RNF146: variants seen among roughly 807,000 people sequenced by gnomAD.
RNF146 encodes ring finger protein 146.
In RNF146, 11 loss-of-function variants were observed where a neutral mutation model predicts 29.7. The observed-to-expected ratio is 0.37, with a 90% confidence interval of 0.23 to 0.61. The LOEUF (loss-of-function observed/expected upper bound fraction) is 0.61, where lower values mean the gene tolerates loss of function less well. Ranked by LOEUF, RNF146 falls within the 20% of genes least tolerant of loss-of-function variation. RNF146 has a pLI of 0.66. For synonymous variants in RNF146, 150 were observed against 159.7 expected, an observed-to-expected ratio of 0.94 and a Z score of 0.46; for missense variants, 342 against 438.9, an observed-to-expected ratio of 0.78 and a Z score of 1.97.
chr6:127,277,682 A>T (rs1258542003), intron 1 of RNF146, among the ~76,000 whole-genome samples: 4 of 151,910 alleles, frequency 2.6e-5, no homozygotes, highest in Non-Finnish European at 5.9e-5. Context: ...TTTCTTTTTC[A>T]CATTTTTCTG....
At chr6:127,281,475 T>C (rs940663932) in intron 2 of RNF146, among the ~76,000 whole-genome samples, 5 of 151,724 alleles carry the variant, frequency 3.3e-5, no homozygotes, top group African/African-American at 1.2e-4. Context: ...ATTAATTTCA[T>C]CTGAAGGGTT....
Position 127,286,469 on chromosome 6 carries a change from C to A in RNF146, c.3-147C>A. On this transcript the variant is annotated intron_variant, in intron 2 of 2. Transcript: ENST00000368314. The surrounding 1 kb of genome is among the most constrained non-coding windows in gnomAD (Gnocchi z 4.6). ...AATTTTCATCGGTTGGAGAGTTTTT[C>A]CTCTACTTTCATCTTCATATCCCCA... 1.2e-6 allele frequency: 1 copy of A among 835,092 alleles called. No homozygotes were observed. The highest frequency in any genetic ancestry group is 1.8e-6 in the Non-Finnish European group (1 of 557,278). The allele number at this position is 835,092 out of a possible 1,614,324, so 51.7% of individuals were successfully genotyped here. A position where few individuals can be genotyped will look rare whatever the true frequency, so the allele number is the denominator to read the frequency against.
At chr6:127,271,406 C>A (rs1777479728) in intron 1 of RNF146, among the ~76,000 whole-genome samples, 1 of 152,084 alleles carries the variant, frequency 6.6e-6, no homozygotes, top group African/African-American at 2.4e-5. Flanking sequence ...CTACCTAAAC[C>A]CATTAACTTT....
chr6:127,279,455 C>G (rs919289695), intron 1 of RNF146, among the ~76,000 whole-genome samples: 24 of 151,786 alleles, frequency 1.6e-4, no homozygotes, highest in African/African-American at 5.3e-4. Flanking sequence ...TTTCTGGACT[C>G]TCAATTCTAT....
In RNF146 at chr6:127,286,821, C is replaced by T. The variant is rs1364850010; in HGVS notation, c.208C>T (p.Arg70Trp). The change falls in exon 3 of 3, where the codon CGG becomes TGG. Residue 70 changes from arginine (R) to tryptophan (W), a missense_variant. Arg to Trp is a moderately radical substitution (Grantham distance 101). Around this residue, in one of 6 missense-constraint regions of RNF146, gnomAD observed 27 missense variants for 66.0 expected, o/e 0.41. Coordinates refer to ENST00000368314, the MANE Select transcript of RNF146 (RefSeq NM_001242850.2). This position sits in a 1 kb window ranked among gnomAD's most constrained non-coding sequence, Gnocchi z 4.6. ...CVKGASWLGK[R>W]CALCRQEIPE... ...AAAAGGAGCTTCATGGCTTGGAAAGCGGTGTGCTCTTTGTCGACAAGAAAT... is the reference window on the plus strand; with the variant it reads ...AAAAGGAGCTTCATGGCTTGGAAAGTGGTGTGCTCTTTGTCGACAAGAAAT... 1.2e-6 allele frequency: 2 copies of T among 1,613,070 alleles called. No individual in the cohort carries two copies. The highest frequency in any genetic ancestry group is 1.3e-5 in the African/African-American group (1 of 74,820).
intron 2 of RNF146, among the ~76,000 whole-genome samples, chr6:127,282,023 G>A (rs1778977691): frequency 6.6e-6 from 1 of 151,734 alleles, no homozygotes; most frequent in South Asian, 2.1e-4. Context: ...AATAGGGAAA[G>A]AAAGATGTCT....
rs747325652 is a variant in RNF146, at chr6:127,287,432, A to G, written c.819A>G (p.Pro273=). ...AAGGAGAAGAAGATCATGAATCACC[A>G]TCTTCAGGCAGGGTACCAGCACCAG... ...RGEGEEDHES[P]SSGRVPAPDT... Residue 273 remains proline (P), a synonymous_variant, in exon 3 of 3, where the codon CCA becomes CCG. Coordinates refer to ENST00000368314, the MANE Select transcript of RNF146 (RefSeq NM_001242850.2). 10 of 1,613,526 alleles carry G rather than the reference A, an allele frequency of 6.2e-6. No individual in the cohort carries two copies. The highest frequency in any genetic ancestry group is 1.7e-5 in the Admixed American group (1 of 59,934).
chr6:127,288,180 G>T lies in RNF146; in HGVS notation c.*487G>T. On this transcript the variant is annotated 3_prime_UTR_variant, in exon 3 of 3. Coordinates refer to ENST00000368314, the MANE Select transcript of RNF146 (RefSeq NM_001242850.2). ...ATAGATGAATAACAACTATTTTATA[G>T]TAAAGTTATTGAAATGGAAATGAAA... The T allele has an allele frequency of 6.0e-6, 1 of 166,880 alleles. No homozygotes were observed. The allele number at this position is 166,880 out of a possible 1,614,324, so 10.3% of individuals were successfully genotyped here. A position where few individuals can be genotyped will look rare whatever the true frequency, so the allele number is the denominator to read the frequency against.
At chr6:127,267,478 C>T (rs548821500) in intron 1 of RNF146, among the ~76,000 whole-genome samples, 2 of 152,278 alleles carry the variant, frequency 1.3e-5, no homozygotes, top group South Asian at 2.1e-4. Flanking sequence ...CCATGTTTTC[C>T]CGTGTGGGGT....
chr6:127,272,247 T>C (rs1777605464), intron 1 of RNF146, among the ~76,000 whole-genome samples: 1 of 152,170 alleles, frequency 6.6e-6, no homozygotes, highest in Admixed American at 6.5e-5. Context: ...CACTAACTAA[T>C]ATATGTGAAT....
At chr6:127,285,258 A>C in intron 2 of RNF146, 1 of 985,084 alleles carries the variant, frequency 1.0e-6, no homozygotes, top group Non-Finnish European at 1.2e-6. Flanking sequence ...AGAACACAGA[A>C]AAGGCAGTAA....
chr6:127,281,913 G>A (rs1778960516), intron 2 of RNF146, among the ~76,000 whole-genome samples: 1 of 151,466 alleles, frequency 6.6e-6, no homozygotes, highest in Non-Finnish European at 1.5e-5. Flanking sequence ...GGTAAAGATA[G>A]ATTTTCAGGA....
At position 127,286,785 on chromosome 6, in the gene RNF146, T is replaced by C. The variant is rs958091910; in HGVS notation, c.172T>C (p.Tyr58His). The part of the protein sequence containing the change: ...VSLPCKHVFC[Y>H]LCVKGASWLG... ...TCTGCCCTGTAAGCACGTTTTCTGC[T>C]ATCTATGTGTAAAAGGAGCTTCATG... The change falls in exon 3 of 3, where the codon TAT becomes CAT. Residue 58 changes from tyrosine to histidine, a missense_variant. Physicochemically the swap from Tyr to His is moderately conservative, Grantham distance 83 (BLOSUM62 2). This residue lies in a region of RNF146 where 27 missense variants were observed against 66.0 expected (regional missense o/e 0.41). Coordinates refer to ENST00000368314, the MANE Select transcript of RNF146 (RefSeq NM_001242850.2). This position sits in a 1 kb window ranked among gnomAD's most constrained non-coding sequence, Gnocchi z 4.6. The C allele has an allele frequency of 6.2e-7, 1 of 1,613,188 alleles. No individual in the cohort carries two copies. The highest frequency in any genetic ancestry group is 8.5e-7 in the Non-Finnish European group (1 of 1,179,568).
At chr6:127,278,365 C>T (rs1232868242) in intron 1 of RNF146, among the ~76,000 whole-genome samples, 2 of 152,010 alleles carry the variant, frequency 1.3e-5, no homozygotes, top group Non-Finnish European at 1.5e-5. Flanking sequence ...CAATAACTCT[C>T]CACTTTCCTT....
chr6:127,284,513 A>G (rs1779274454), intron 2 of RNF146, among the ~76,000 whole-genome samples: 1 of 151,900 alleles, frequency 6.6e-6, no homozygotes, highest in East Asian at 1.9e-4. Flanking sequence ...AAAGATTTTC[A>G]GGAATTTTAT....
At position 127,286,198 on chromosome 6, in the gene RNF146, G is replaced by T; in HGVS notation, c.3-418G>T. 2 of 1,230,286 alleles carry T rather than the reference G, an allele frequency of 1.6e-6. No homozygotes were observed. The highest frequency in any genetic ancestry group is 8.2e-5 in the South Asian group (2 of 24,352). 76.2% of individuals were successfully genotyped at this position (1,230,286 alleles called of 1,614,324 possible). On this transcript the variant is annotated intron_variant, in intron 2 of 2. Transcript: ENST00000368314. This position sits in a 1 kb window ranked among gnomAD's most constrained non-coding sequence, Gnocchi z 4.6. ...TGCAGGTAAGGAAATTTAGACTAAT[G>T]GTTTAACTGAGTGCCTAAGAGCACA...
chr6:127,284,206 G>GT (rs1415464292), intron 2 of RNF146, among the ~76,000 whole-genome samples: 6 of 151,748 alleles, frequency 4.0e-5, no homozygotes, highest in Non-Finnish European at 7.4e-5. Flanking sequence ...ATTGGTCCAC[G>GT]TGACATGTTG....
At chr6:127,273,961 A>T (rs895010813) in intron 1 of RNF146, among the ~76,000 whole-genome samples, 1 of 152,110 alleles carries the variant, frequency 6.6e-6, no homozygotes, top group Admixed American at 6.5e-5. Context: ...GAAAGTTTAT[A>T]TTGATGGAAA....
rs550339831 is a variant in RNF146, at chr6:127,286,194, T to G, written c.3-422T>G. The G allele has an allele frequency of 6.5e-6, 8 of 1,230,246 alleles. No individual in the cohort carries two copies. In the Admixed American group the frequency reaches 2.9e-4, roughly 45 times the overall value. The allele number at this position is 1,230,246 out of a possible 1,614,324, so 76.2% of individuals were successfully genotyped here. On this transcript the variant is annotated intron_variant, in intron 2 of 2. Transcript: ENST00000368314. The surrounding 1 kb of genome is among the most constrained non-coding windows in gnomAD (Gnocchi z 4.6). ...GATTTGCAGGTAAGGAAATTTAGAC[T>G]AATGGTTTAACTGAGTGCCTAAGAG... is the stretch of plus-strand genomic sequence containing the variant.
Sources: allele counts gnomAD v4.1 joint callset (sites outside exome capture counted in the v4.1 genomes callset), GRCh38; gene constraint gnomAD v4.1.1; regional missense constraint gnomAD v4.1.1; non-coding constraint Gnocchi (gnomAD v3.1); transcripts MANE v1.5; gene names NCBI Gene and HGNC (gene_info 2026-07-23, HGNC 2026-07-21).